The following ITSN1 variants were observed in gnomAD, a reference collection of about 807,000 sequenced individuals.
ITSN1 encodes the protein intersectin 1, also known as intersectin-1.
In ITSN1, 58 loss-of-function variants were observed where a neutral mutation model predicts 239.8. That is an observed-to-expected ratio of 0.24 (90% CI 0.20 to 0.30). ITSN1 has a LOEUF of 0.30. ITSN1 is among the 10% of genes least tolerant of loss of function. The pLI is 1.00. For synonymous variants in ITSN1, 780 were observed against 770.8 expected, an observed-to-expected ratio of 1.01 and a Z score of -0.20; for missense variants, 1,558 against 2,103.3, an observed-to-expected ratio of 0.74 and a Z score of 5.07.
intron 1 of ITSN1, among the ~76,000 whole-genome samples, chr21:33,701,271 G>T (rs9984904): frequency 1 from 152,165 of 152,166 alleles, 76,082 homozygotes; most frequent in Non-Finnish European, 1. Context: ...GCTAGTTTTT[G>T]TGTATTTTTT....
At chr21:33,725,280 C>T (rs566531590) in intron 4 of ITSN1, among the ~76,000 whole-genome samples, 1 of 151,390 alleles carries the variant, frequency 6.6e-6, no homozygotes, top group South Asian at 2.1e-4. Flanking sequence ...GGATTACAGG[C>T]GTACACCACC....
At chr21:33,771,278 G>A (rs1324855440) in intron 11 of ITSN1, among the ~76,000 whole-genome samples, 3 of 152,230 alleles carry the variant, frequency 2.0e-5, no homozygotes, top group Non-Finnish European at 4.4e-5. Flanking sequence ...TCAAGGCAGA[G>A]TGAGAAGCAA....
chr21:33,760,506 C>G (rs2068236644), intron 8 of ITSN1, among the ~76,000 whole-genome samples: 1 of 152,110 alleles, frequency 6.6e-6, no homozygotes, highest in African/African-American at 2.4e-5. Context: ...GTAATGTTAC[C>G]TGCCATTAGA....
intron 1 of ITSN1, among the ~76,000 whole-genome samples, chr21:33,659,534 C>T (rs912253954): frequency 7.2e-5 from 11 of 152,016 alleles, no homozygotes; most frequent in African/African-American, 2.7e-4. Context: ...AATGGTAGGA[C>T]ACCCAGTTAG....
intron 20 of ITSN1, among the ~76,000 whole-genome samples, chr21:33,804,960 G>A (rs1173249339): frequency 6.6e-6 from 1 of 152,202 alleles, no homozygotes; most frequent in African/African-American, 2.4e-5. Flanking sequence ...AGTGGGTTGC[G>A]GGTTGGACAA....
chr21:33,880,066 T>C (rs1031561441), intron 34 of ITSN1, among the ~76,000 whole-genome samples: 1 of 152,212 alleles, frequency 6.6e-6, no homozygotes, highest in African/African-American at 2.4e-5. Context: ...CTGGCTATCA[T>C]GCACAGCGTC....
At chr21:33,876,187 TTCTC>T (rs1400726256) in intron 34 of ITSN1, among the ~76,000 whole-genome samples, 1 of 143,642 alleles carries the variant, frequency 7.0e-6, no homozygotes, top group Admixed American at 6.9e-5. Context: ...CCTTCCTTCC[TTCTC>T]TCTTTCTCCT....
At chr21:33,838,246 C>T (rs981127110) in intron 29 of ITSN1, 2 of 985,396 alleles carry the variant, frequency 2.0e-6, no homozygotes, top group Non-Finnish European at 2.4e-6. Flanking sequence ...CTCCTAAAGA[C>T]TCTGTAATGC....
intron 34 of ITSN1, among the ~76,000 whole-genome samples, chr21:33,881,224 G>T (rs984354158): frequency 6.6e-5 from 10 of 151,988 alleles, no homozygotes; most frequent in Non-Finnish European, 1.5e-4. Flanking sequence ...TGGCTAACAT[G>T]GTGAAACCCC....
chr21:33,734,450 A>C (rs570194380), intron 4 of ITSN1, among the ~76,000 whole-genome samples: 1 of 152,292 alleles, frequency 6.6e-6, no homozygotes, highest in East Asian at 1.9e-4. Flanking sequence ...TTCTAAAGAA[A>C]AGTTAGTTTC....
intron 2 of ITSN1, 148 bp from the exon 3 acceptor site, chr21:33,721,030 C>T (rs1054374776): frequency 3.1e-5 from 17 of 552,808 alleles, no homozygotes; most frequent in African/African-American, 3.0e-4. Context: ...ACTTTATATG[C>T]ATAACTTCCA....
chr21:33,797,431 G>A lies in ITSN1; in HGVS notation c.2005G>A (p.Glu669Lys). The A allele has an allele frequency of 5.6e-6, 9 of 1,614,056 alleles. No individual in the cohort carries two copies. Among genetic ancestry groups the A allele is most frequent in the South Asian group, 2.2e-5 (2 of 91,074 alleles). ...GCTGGAGCATGTGCAGCAGGAGGAC[G>A]AGCATCAGAGACCAAGAAAACTCCA... ...QWLEHVQQED[E>K]HQRPRKLHEE... The change falls in exon 18 of 40, where the codon GAG (glutamate) becomes AAG (lysine). Residue 669 changes from glutamate to lysine, a missense_variant. By Grantham distance (56) the Glu-to-Lys change is moderately conservative (BLOSUM62 1). Transcript: ENST00000381318. The surrounding 1 kb of genome is among the most constrained non-coding windows in gnomAD (Gnocchi z 4.9).
chr21:33,793,347 C>T (rs1027508784), intron 16 of ITSN1, among the ~76,000 whole-genome samples: 1 of 152,120 alleles, frequency 6.6e-6, no homozygotes, highest in Non-Finnish European at 1.5e-5. Context: ...GATCCCTGGG[C>T]CATGTACTGG....
chr21:33,660,992 A>G (rs888076156), intron 1 of ITSN1, among the ~76,000 whole-genome samples: 6 of 152,226 alleles, frequency 3.9e-5, no homozygotes, highest in Non-Finnish European at 7.3e-5. Flanking sequence ...GTTTGTTATC[A>G]CCACCCATCT....
At chr21:33,754,378 T>C (rs1016628718) in intron 7 of ITSN1, among the ~76,000 whole-genome samples, 1 of 152,258 alleles carries the variant, frequency 6.6e-6, no homozygotes, top group Non-Finnish European at 1.5e-5. Flanking sequence ...AAAAGTTCAG[T>C]ATTTCAGTAA....
intron 1 of ITSN1, among the ~76,000 whole-genome samples, chr21:33,652,909 C>T (rs1279371190): frequency 6.6e-6 from 1 of 151,662 alleles, no homozygotes; most frequent in Non-Finnish European, 1.5e-5. Flanking sequence ...ATAATTAGTA[C>T]TAATTGTAGG....
intron 10 of ITSN1, 135 bp from the exon 11 acceptor site, chr21:33,767,578 T>A (rs967555362): frequency 2.6e-5 from 12 of 465,346 alleles, no homozygotes; most frequent in African/African-American, 2.2e-4. Context: ...AGACCAAATC[T>A]TTATATTTTC....
chr21:33,729,458 A>G (rs1242918686), intron 4 of ITSN1, among the ~76,000 whole-genome samples: 1 of 151,864 alleles, frequency 6.6e-6, no homozygotes, highest in Non-Finnish European at 1.5e-5. Context: ...AAACAAACAA[A>G]CAAATAAAAA....
intron 1 of ITSN1, among the ~76,000 whole-genome samples, chr21:33,686,832 T>C (rs768683888): frequency 6.6e-6 from 1 of 152,200 alleles, no homozygotes; most frequent in Non-Finnish European, 1.5e-5. Context: ...GATCTGAGAC[T>C]AGAGCTAGGT....
Sources: allele counts gnomAD v4.1 joint callset (sites outside exome capture counted in the v4.1 genomes callset), GRCh38; gene constraint gnomAD v4.1.1; non-coding constraint Gnocchi (gnomAD v3.1); transcripts MANE v1.5; gene names NCBI Gene and HGNC (gene_info 2026-07-23, HGNC 2026-07-21).